PAH: variants seen among roughly 807,000 people sequenced by gnomAD.
The protein encoded by PAH is phenylalanine hydroxylase.
Under a neutral mutation model 62.0 loss-of-function variants are expected in PAH, and 64 were observed. The ratio of observed to expected loss-of-function variants is 1.03; its 90% CI spans 0.84 to 1.27. The LOEUF (loss-of-function observed/expected upper bound fraction) is 1.27, where lower values mean the gene tolerates loss of function less well. Among genes scored for constraint, PAH ranks in the 50% most tolerant of loss-of-function variants. The probability of loss-of-function intolerance (pLI) is 0.00; values close to 1 mark genes in which losing one functional copy is unlikely to be tolerated. For missense variants in PAH, 579 were observed against 542.8 expected (o/e 1.07, Z -0.66); for synonymous variants, 195 against 196.2 (o/e 0.99, Z 0.05).
At position 102,890,533 on chromosome 12, in the gene PAH, G is replaced by A. The variant is rs527672405; in HGVS notation, c.352+4202C>T. ...AGCTCTCTCATTACAGGTATGGTAAGGTCAGGTGGGGGCAGCCACTATGGG... is the reference window on the plus strand; with the variant it reads ...AGCTCTCTCATTACAGGTATGGTAAAGTCAGGTGGGGGCAGCCACTATGGG... On this transcript the variant is annotated intron_variant, in intron 3 of 12. Transcript: ENST00000553106. Among the ~76,000 whole-genome samples the A allele has an allele frequency of 8.5e-5, 13 of 152,318 alleles. No homozygotes were observed. In the East Asian group the frequency reaches 2.3e-3, roughly 27 times the overall value.
intron 5 of PAH, among the ~76,000 whole-genome samples, chr12:102,857,941 A>T (rs1248017989): frequency 6.6e-6 from 1 of 152,346 alleles, no homozygotes; most frequent in Middle Eastern, 3.4e-3. Context: ...ACCAGCTAAC[A>T]TCATAATGAC....
intron 1 of PAH, among the ~76,000 whole-genome samples, chr12:102,915,397 G>A (rs906299596): frequency 2.0e-5 from 3 of 152,092 alleles, no homozygotes; most frequent in South Asian, 4.1e-4. Flanking sequence ...ACTCACCTGA[G>A]GCCACATAGG....
chr12:102,939,371 C>T (rs2136759680), intron 1 of PAH, among the ~76,000 whole-genome samples: 1 of 152,350 alleles, frequency 6.6e-6, no homozygotes, highest in African/African-American at 2.4e-5. Flanking sequence ...CCTCTACACA[C>T]CTTTTTCTTC....
At chr12:102,866,129 AC>A (rs1443999919) in intron 5 of PAH, among the ~76,000 whole-genome samples, 3 of 151,214 alleles carry the variant, frequency 2.0e-5, no homozygotes, top group African/African-American at 7.3e-5. Context: ...GCTGGGTCAG[AC>A]CAGATAAAAG....
intron 8 of PAH, among the ~76,000 whole-genome samples, chr12:102,849,577 T>C (rs940528): frequency 0.36 from 55,367 of 152,052 alleles, 10,736 homozygotes; most frequent in Non-Finnish European, 0.43. Context: ...TCTGCATCTC[T>C]ATATCACTCC....
At chr12:102,894,327 C>T (rs1877402013) in intron 3 of PAH, among the ~76,000 whole-genome samples, 1 of 150,652 alleles carries the variant, frequency 6.6e-6, no homozygotes, top group South Asian at 2.1e-4. Flanking sequence ...CACAATTTAC[C>T]CGTGTAACAA....
At chr12:102,904,865 G>T in intron 2 of PAH, 1 of 296,794 alleles carries the variant, frequency 3.4e-6, no homozygotes, top group Non-Finnish European at 7.0e-6. Context: ...TTCTTCTGGC[G>T]AATGGCTCAA....
chr12:102,912,951 T>C lies in PAH; in HGVS notation c.61-53A>G, dbSNP rs140903700. The C allele has an allele frequency of 4.8e-6, 6 of 1,246,812 alleles. No individual in the cohort carries two copies. In the East Asian group the frequency reaches 9.3e-5, roughly 19 times the overall value. The allele number at this position is 1,246,812 out of a possible 1,614,324, so 77.2% of individuals were successfully genotyped here. ...ACATTTTCCACAGTTTAGCAATTCA[T>C]TCCTGTTAAACCTCCATGGACAAAG... On this transcript the variant is annotated intron_variant, in intron 1 of 12. Transcript: ENST00000553106.
intron 4 of PAH, among the ~76,000 whole-genome samples, chr12:102,871,423 T>C (rs763637532): frequency 2.6e-5 from 4 of 152,216 alleles, no homozygotes; most frequent in Non-Finnish European, 5.9e-5. Context: ...CCCCACTCGT[T>C]TAGACCAATA....
chr12:102,886,215 T>C (rs894558752), intron 3 of PAH: 4 of 152,122 alleles, frequency 2.6e-5, no homozygotes, highest in Admixed American at 2.0e-4. Flanking sequence ...TCAGGAGTGG[T>C]GATTTTAGGA....
At chr12:102,888,274 C>G (rs1205268923) in intron 3 of PAH, among the ~76,000 whole-genome samples, 3 of 152,072 alleles carry the variant, frequency 2.0e-5, no homozygotes, top group East Asian at 1.9e-4. Context: ...CTTGGCCGAA[C>G]AGCTACAGCC....
At chr12:102,910,528 G>T (rs1029241086) in intron 2 of PAH, among the ~76,000 whole-genome samples, 6 of 151,990 alleles carry the variant, frequency 3.9e-5, no homozygotes, top group African/African-American at 1.5e-4. Flanking sequence ...CCACCACCAC[G>T]CCGGGCTAAT....
At chr12:102,929,719 G>A (rs1183453349) in intron 1 of PAH, among the ~76,000 whole-genome samples, 2 of 152,162 alleles carry the variant, frequency 1.3e-5, no homozygotes, top group Non-Finnish European at 2.9e-5. Context: ...TGATGCCTTG[G>A]ACTAAAGTGG....
chr12:102,920,975 G>A (rs917825766), upstream of PAH, among the ~76,000 whole-genome samples: 1 of 152,152 alleles, frequency 6.6e-6, no homozygotes, highest in Non-Finnish European at 1.5e-5. Context: ...AAACAATACT[G>A]TGATAAATTT....
intron 3 of PAH, among the ~76,000 whole-genome samples, chr12:102,880,694 G>A (rs536451765): frequency 1.3e-5 from 2 of 152,190 alleles, no homozygotes; most frequent in East Asian, 3.9e-4. Flanking sequence ...AAGCATTGTG[G>A]GGTGCATACA....
chr12:102,890,514 C>G (rs1280043408), intron 3 of PAH, among the ~76,000 whole-genome samples: 1 of 152,200 alleles, frequency 6.6e-6, no homozygotes, highest in African/African-American at 2.4e-5. Context: ...CATCAGCTCT[C>G]TCATTACAGG....
intron 3 of PAH, among the ~76,000 whole-genome samples, chr12:102,886,877 C>T (rs1335866949): frequency 5.3e-5 from 8 of 151,962 alleles, no homozygotes; most frequent in African/African-American, 1.9e-4. Context: ...AGTGGGCACT[C>T]AATCAATATC....
intron 12 of PAH, among the ~76,000 whole-genome samples, chr12:102,839,669 G>C (rs1874501636): frequency 1.3e-5 from 2 of 152,206 alleles, no homozygotes; most frequent in Non-Finnish European, 1.5e-5. Context: ...TTAATTTTTA[G>C]CTGGCTTTTC....
intron 3 of PAH, among the ~76,000 whole-genome samples, chr12:102,883,736 C>A (rs1876917197): frequency 6.6e-6 from 1 of 152,068 alleles, no homozygotes; most frequent in South Asian, 2.1e-4. Context: ...CTTCAGGACC[C>A]CATCATCTTC....
Sources: gnomAD v4.1 joint callset for allele counts (sites outside exome capture counted in the v4.1 genomes callset) on GRCh38, gnomAD v4.1.1 for gene constraint, MANE v1.5 for transcripts, NCBI Gene and HGNC (gene_info 2026-07-23, HGNC 2026-07-21) for gene names.